PLD1: variants seen among roughly 807,000 people sequenced by gnomAD.
PLD1 encodes choline phosphatase 1.
Under a neutral mutation model 137.1 loss-of-function variants are expected in PLD1, and 112 were observed. The observed-to-expected ratio is 0.82, with a 90% CI of 0.70 to 0.96. PLD1 has a LOEUF of 0.96. Among genes scored for constraint, PLD1 ranks in the 40% least tolerant of loss-of-function variants. PLD1 has a pLI of 0.00. For synonymous variants in PLD1, 431 were observed against 454.7 expected (o/e 0.95, Z 0.66); for missense variants, 1,321 against 1,342.0 (o/e 0.98, Z 0.24).
chr3:171,763,044 T>G (rs1176563737), intron 1 of PLD1, among the ~76,000 whole-genome samples: 1 of 152,162 alleles, frequency 6.6e-6, no homozygotes, highest in African/African-American at 2.4e-5. Context: ...CTATTCATAT[T>G]GTGAGATGGT....
chr3:171,759,566 G>T (rs1721257547), intron 1 of PLD1, among the ~76,000 whole-genome samples: 1 of 152,138 alleles, frequency 6.6e-6, no homozygotes, highest in African/African-American at 2.4e-5. Context: ...AGGGAAATTT[G>T]GGGAGCAGAA....
At chr3:171,773,738 T>C (rs1036851034) in intron 1 of PLD1, among the ~76,000 whole-genome samples, 4 of 149,522 alleles carry the variant, frequency 2.7e-5, no homozygotes, top group Non-Finnish European at 5.9e-5. Context: ...TCTATTATTA[T>C]ACCAGTTTGT....
At chr3:171,653,101 T>A (rs1736920534) in intron 21 of PLD1, 1 of 152,158 alleles carries the variant, frequency 6.6e-6, no homozygotes, top group Non-Finnish European at 1.5e-5. Context: ...ATGACTTGGC[T>A]AAGTTATCTA....
At chr3:171,801,922 G>A (rs968932976) in intron 1 of PLD1, among the ~76,000 whole-genome samples, 4 of 152,194 alleles carry the variant, frequency 2.6e-5, no homozygotes, top group Non-Finnish European at 4.4e-5. Flanking sequence ...AGATGCAACT[G>A]AAACAAGTTT....
At chr3:171,759,717 G>T (rs916860763) in intron 1 of PLD1, among the ~76,000 whole-genome samples, 1 of 152,228 alleles carries the variant, frequency 6.6e-6, no homozygotes, top group East Asian at 1.9e-4. Context: ...TTTGTTTCAT[G>T]TAGCATAATC....
chr3:171,773,059 G>A (rs913462306), intron 1 of PLD1, among the ~76,000 whole-genome samples: 2 of 152,172 alleles, frequency 1.3e-5, no homozygotes, highest in African/African-American at 4.8e-5. Flanking sequence ...TGGTGGGGCT[G>A]TGTCTCCATC....
At chr3:171,730,170 C>T (rs1344871179) in intron 6 of PLD1, among the ~76,000 whole-genome samples, 6 of 152,196 alleles carry the variant, frequency 3.9e-5, no homozygotes, top group East Asian at 1.9e-4. Context: ...TTCTCTACTA[C>T]AGCCAGCACT....
chr3:171,666,182 G>C (rs181353330), intron 19 of PLD1: 1 of 152,190 alleles, frequency 6.6e-6, no homozygotes, highest in African/African-American at 2.4e-5. Context: ...CATTGTATTC[G>C]TCTGTTCTCA....
At chr3:171,630,796 T>C (rs1734592530) in intron 23 of PLD1, among the ~76,000 whole-genome samples, 1 of 138,796 alleles carries the variant, frequency 7.2e-6, no homozygotes, top group Non-Finnish European at 1.5e-5. Flanking sequence ...TTCTCACTCA[T>C]AGGTGGGAAC....
chr3:171,730,784 G>A (rs9810871), intron 6 of PLD1, among the ~76,000 whole-genome samples: 54,628 of 151,564 alleles, frequency 0.36, 10,957 homozygotes, highest in African/African-American at 0.52. Flanking sequence ...GATTAAAGGC[G>A]CCCACCACCA....
chr3:171,632,438 T>A (rs1025591623), intron 23 of PLD1, among the ~76,000 whole-genome samples: 18 of 152,202 alleles, frequency 1.2e-4, no homozygotes, highest in African/African-American at 4.1e-4. Context: ...ATAAGGTCTA[T>A]AAACTGGATA....
At chr3:171,652,553 G>T (rs1736870622) in intron 21 of PLD1, among the ~76,000 whole-genome samples, 1 of 151,564 alleles carries the variant, frequency 6.6e-6, no homozygotes, top group Non-Finnish European at 1.5e-5. Context: ...TTAAACCCAA[G>T]AACTTTTAAT....
At chr3:171,771,035 T>A (rs1229331263) in intron 1 of PLD1, among the ~76,000 whole-genome samples, 1 of 152,070 alleles carries the variant, frequency 6.6e-6, no homozygotes, top group African/African-American at 2.4e-5. Flanking sequence ...AATGCATATA[T>A]TATAAGGAGA....
intron 11 of PLD1, among the ~76,000 whole-genome samples, chr3:171,702,625 T>C (rs1716346293): frequency 6.6e-6 from 1 of 152,114 alleles, no homozygotes. Context: ...ACATATTCCT[T>C]GAATAAAATA....
intron 19 of PLD1, among the ~76,000 whole-genome samples, chr3:171,668,469 G>A (rs1712390758): frequency 6.6e-6 from 1 of 152,144 alleles, no homozygotes; most frequent in South Asian, 2.1e-4. Flanking sequence ...TTTATTCCAA[G>A]CGTGAAAACA....
At chr3:171,604,939 G>C (rs577709705) in intron 26 of PLD1, among the ~76,000 whole-genome samples, 12 of 152,324 alleles carry the variant, frequency 7.9e-5, no homozygotes, top group African/African-American at 2.9e-4. Context: ...CCAGCAACGG[G>C]GTGAGCTAGG....
At chr3:171,713,310 C>A (rs11714365) in intron 9 of PLD1, among the ~76,000 whole-genome samples, 76,895 of 151,822 alleles carry the variant, frequency 0.51, 20,427 homozygotes, top group African/African-American at 0.67. Flanking sequence ...AAAATACAAA[C>A]TTTAGTCGGG....
At position 171,698,150 on chromosome 3, in the gene PLD1, G is replaced by A. The variant is rs529670456; in HGVS notation, c.1227+1595C>T. 2.0e-5 allele frequency among the ~76,000 whole-genome samples: 3 copies of A among 152,304 alleles called. No homozygotes were observed. In the South Asian group the frequency reaches 6.2e-4, roughly 32 times the overall value. On this transcript the variant is annotated intron_variant, in intron 12 of 26. Coordinates refer to ENST00000351298, the MANE Select transcript of PLD1 (RefSeq NM_002662.5). ...CATTCAATAGGTAGAAAGTAGTCTG[G>A]TAAGGCTAGGACTGAGCCCAAGACA...
Position 171,677,680 on chromosome 3 carries a change from G to T in PLD1, c.1882C>A (p.Arg628Ser), listed in dbSNP as rs574828502. 1.2e-6 allele frequency: 2 copies of T among 1,613,904 alleles called. No individual in the cohort carries two copies. The highest frequency in any genetic ancestry group is 3.3e-5 in the Admixed American group (2 of 59,996). Residue 628 changes from arginine to serine, a missense_variant, in exon 17 of 27, where the codon CGT becomes AGT. By Grantham distance (110) the Arg-to-Ser change is moderately radical. Coordinates refer to ENST00000351298, the MANE Select transcript of PLD1 (RefSeq NM_002662.5). Reference protein sequence around the residue: ...TRPHADTGSIRSLQTGVGELH... With the variant: ...TRPHADTGSISSLQTGVGELH... ...TCTCCCACACCTGTCTGTAAACTACGGATGGACCCGGTATCTGTGAATGCA... is the reference window on the plus strand; with the variant it reads ...TCTCCCACACCTGTCTGTAAACTACTGATGGACCCGGTATCTGTGAATGCA...
Sources: allele counts gnomAD v4.1 joint callset (sites outside exome capture counted in the v4.1 genomes callset), GRCh38; gene constraint gnomAD v4.1.1; transcripts MANE v1.5; gene names NCBI Gene and HGNC (gene_info 2026-07-23, HGNC 2026-07-21).